KCNH1: variants seen among roughly 807,000 people sequenced by gnomAD.
KCNH1 encodes the protein potassium voltage-gated channel subfamily H member 1.
A neutral mutation model predicts 69.2 loss-of-function variants in KCNH1; 27 were observed. The observed-to-expected ratio is 0.39, with a 90% CI of 0.29 to 0.54. KCNH1 has a LOEUF of 0.54. Ranked by LOEUF, KCNH1 falls within the 20% of genes least tolerant of loss-of-function variation. The pLI is 0.68. For synonymous variants in KCNH1, 456 were observed against 487.7 expected (o/e 0.93, Z 0.86); for missense variants, 798 against 1,261.6 (o/e 0.63, Z 5.57).
chr1:210,967,538 C>A (rs1688430538), intron 6 of KCNH1, among the ~76,000 whole-genome samples: 1 of 152,014 alleles, frequency 6.6e-6, no homozygotes, highest in Admixed American at 6.6e-5. Context: ...TATCCCAGAA[C>A]CAGTTATTGA....
intron 10 of KCNH1, among the ~76,000 whole-genome samples, chr1:210,695,185 G>C (rs921206978): frequency 6.6e-6 from 1 of 152,340 alleles, no homozygotes; most frequent in South Asian, 2.1e-4. Context: ...ATGAGAGGGG[G>C]CAATGGAGAG....
chr1:211,009,399 A>G (rs1012514686), intron 6 of KCNH1, among the ~76,000 whole-genome samples: 6 of 152,082 alleles, frequency 3.9e-5, no homozygotes, highest in Admixed American at 3.9e-4. Flanking sequence ...AAAATGGGGC[A>G]GCAGCTGGGG....
chr1:210,714,622 CCAAA>C, intron 10 of KCNH1, among the ~76,000 whole-genome samples: 1 of 152,272 alleles, frequency 6.6e-6, no homozygotes, highest in East Asian at 1.9e-4. Flanking sequence ...ACTCATTCTT[CCAAA>C]CAAACAGGTA....
At chr1:210,721,918 C>T (rs1427175550) in intron 10 of KCNH1, among the ~76,000 whole-genome samples, 1 of 152,188 alleles carries the variant, frequency 6.6e-6, no homozygotes, top group East Asian at 1.9e-4. Context: ...ACAGACCAGG[C>T]CCAGTTATTT....
intron 1 of KCNH1, among the ~76,000 whole-genome samples, chr1:211,112,515 A>AC (rs1691493177): frequency 1.4e-5 from 2 of 146,286 alleles, no homozygotes; most frequent in African/African-American, 2.7e-5. Context: ...AAAAAAAAAA[A>AC]AAAAAAAACA....
At position 210,933,243 on chromosome 1, in the gene KCNH1, C is replaced by G. The variant is rs112271381; in HGVS notation, c.1033-13174G>C. On this transcript the variant is annotated intron_variant, in intron 6 of 10. Transcript: ENST00000271751. ...ATGGATGAAATTGGAAATCATCATT[C>G]TCAGTAAACTATCGCAAGAACAAAA... Among the ~76,000 whole-genome samples the G allele has an allele frequency of 7.9e-3, 1,208 of 152,098 alleles. 13 individuals carry two copies. Among genetic ancestry groups the G allele is most frequent in the African/African-American group, 0.028 (1,156 of 41,474 alleles).
intron 5 of KCNH1, among the ~76,000 whole-genome samples, chr1:211,064,424 G>C (rs1265311758): frequency 6.6e-6 from 1 of 152,096 alleles, no homozygotes; most frequent in East Asian, 1.9e-4. Flanking sequence ...TGCCCGGCGT[G>C]GTGGTGGGCA....
intron 6 of KCNH1, among the ~76,000 whole-genome samples, chr1:210,982,244 TATTATA>T (rs1041156057): frequency 2.8e-5 from 4 of 143,456 alleles, no homozygotes; most frequent in African/African-American, 8.0e-5. Context: ...TTATTATTAT[TATTATA>T]AAGTTTTAGG....
chr1:210,784,649 T>G (rs568544026), intron 9 of KCNH1, among the ~76,000 whole-genome samples: 5 of 152,290 alleles, frequency 3.3e-5, no homozygotes, highest in African/African-American at 1.2e-4. Flanking sequence ...TAGAAAAGTT[T>G]TGTCTCATTC....
At chr1:210,774,083 G>A (rs534630632) in intron 10 of KCNH1, among the ~76,000 whole-genome samples, 2 of 152,292 alleles carry the variant, frequency 1.3e-5, no homozygotes, top group East Asian at 3.9e-4. Flanking sequence ...ATGGGGATAA[G>A]TGGTTGAGTT....
chr1:211,027,287 A>T (rs559178052), intron 5 of KCNH1, among the ~76,000 whole-genome samples: 4 of 152,168 alleles, frequency 2.6e-5, no homozygotes, highest in Admixed American at 1.3e-4. Flanking sequence ...TAACGAATAT[A>T]AAAAAAATCC....
At chr1:210,787,173 T>C (rs912584775) in intron 9 of KCNH1, among the ~76,000 whole-genome samples, 11 of 149,300 alleles carry the variant, frequency 7.4e-5, no homozygotes, top group South Asian at 2.1e-4. Flanking sequence ...TTTTTTTTTT[T>C]CCCAGATGTG....
chr1:210,803,363 A>G lies in KCNH1; in HGVS notation c.1662+604T>C, dbSNP rs550717947. 3.9e-5 allele frequency among the ~76,000 whole-genome samples: 6 copies of G among 152,214 alleles called. No individual in the cohort carries two copies. The South Asian group carries it at 1.2e-3, about 32-fold the overall frequency. ...GTGATCCACCCGCCTCGGCCTCCCAAAATGCTGGGATTACAGGCATGAGCC... is the reference window on the plus strand; with the variant it reads ...GTGATCCACCCGCCTCGGCCTCCCAGAATGCTGGGATTACAGGCATGAGCC... On this transcript the variant is annotated intron_variant, in intron 8 of 10. Coordinates refer to ENST00000271751, the MANE Select transcript of KCNH1 (RefSeq NM_172362.3).
rs1250307799 is a variant in KCNH1, at chr1:210,684,005, T to A, written c.2246A>T (p.Glu749Val). ...CCCTCTCTCAGCTGCCAGCCTGGCC[T>A]CTTTCTGCTGTCGGAATCTCTGGAA... The part of the protein sequence containing the change: ...RLFQRFRQQK[E>V]ARLAAERGGR... Residue 749 changes from glutamate (E) to valine (V), a missense_variant, in exon 11 of 11, where the codon GAG becomes GTG. This residue lies in a region of KCNH1 where 331 missense variants were observed against 363.2 expected (regional missense o/e 0.91). Coordinates refer to ENST00000271751, the MANE Select transcript of KCNH1 (RefSeq NM_172362.3). 1 of 1,597,570 alleles carries A rather than the reference T, an allele frequency of 6.3e-7. No individual in the cohort carries two copies. The highest frequency in any genetic ancestry group is 1.3e-5 in the African/African-American group (1 of 74,766).
chr1:211,127,251 C>T (rs1691792273), intron 1 of KCNH1, among the ~76,000 whole-genome samples: 1 of 152,156 alleles, frequency 6.6e-6, no homozygotes, highest in South Asian at 2.1e-4. Context: ...TTTGATTCCT[C>T]CACTAAATCT....
chr1:211,130,258 T>G (rs956552670), intron 1 of KCNH1, among the ~76,000 whole-genome samples: 2 of 152,242 alleles, frequency 1.3e-5, no homozygotes, highest in African/African-American at 4.8e-5. Context: ...TTATTTCTGC[T>G]GCCTACTTAC....
intron 7 of KCNH1, among the ~76,000 whole-genome samples, chr1:210,837,697 A>G (rs879500190): frequency 6.6e-6 from 1 of 152,124 alleles, no homozygotes; most frequent in African/African-American, 2.4e-5. Context: ...CTAGAACTCA[A>G]TCCTTCATCT....
intron 4 of KCNH1, among the ~76,000 whole-genome samples, chr1:211,083,853 C>T (rs974809475): frequency 2.0e-5 from 3 of 152,142 alleles, no homozygotes; most frequent in African/African-American, 7.2e-5. Flanking sequence ...CCTGGAGCAA[C>T]TTTCCAAGAT....
chr1:211,041,626 CT>C (rs1375303142), intron 5 of KCNH1, among the ~76,000 whole-genome samples: 1 of 152,196 alleles, frequency 6.6e-6, no homozygotes, highest in African/African-American at 2.4e-5. Flanking sequence ...CCTTCCAGCT[CT>C]TTATATCAGA....
Sources: gnomAD v4.1 joint callset for allele counts (sites outside exome capture counted in the v4.1 genomes callset) on GRCh38, gnomAD v4.1.1 for gene constraint, gnomAD v4.1.1 regional missense constraint, MANE v1.5 for transcripts, NCBI Gene and HGNC (gene_info 2026-07-23, HGNC 2026-07-21) for gene names.